Variants in SH3BGRL2 observed in about 807,000 individuals in gnomAD.
The protein encoded by SH3BGRL2 is SH3 domain-binding glutamic acid-rich-like protein 2.
SH3BGRL2 carries 21 observed loss-of-function variants against 14.8 expected under a neutral mutation model. The ratio of observed to expected loss-of-function variants is 1.42; its 90% CI spans 1.01 to 2.05. SH3BGRL2 has a LOEUF of 2.05. Among genes scored for constraint, SH3BGRL2 ranks in the 30% most tolerant of loss-of-function variants. The pLI, the probability that SH3BGRL2 is intolerant of heterozygous loss-of-function variation, is 0.00. For synonymous variants in SH3BGRL2, 50 were observed against 47.8 expected, an observed-to-expected ratio of 1.05 and a Z score of -0.19; for missense variants, 147 against 130.8, an observed-to-expected ratio of 1.12 and a Z score of -0.61.
chr6:79,638,209 GTATT>G (rs965513746), intron 1 of SH3BGRL2, among the ~76,000 whole-genome samples: 1 of 152,192 alleles, frequency 6.6e-6, no homozygotes, highest in African/African-American at 2.4e-5. Context: ...TTGAGAACAT[GTATT>G]TATCTTTCTG....
the SH3BGRL2 span, among the ~76,000 whole-genome samples, chr6:79,578,050 C>T: frequency 1.3e-5 from 2 of 152,328 alleles, no homozygotes; most frequent in Non-Finnish European, 2.9e-5. Context: ...ATCTGCAAGG[C>T]GGCAGCCTGG....
At chr6:79,616,606 G>T in the SH3BGRL2 span, among the ~76,000 whole-genome samples, 1 of 152,076 alleles carries the variant, frequency 6.6e-6, no homozygotes. Flanking sequence ...ACACAGACAG[G>T]CTCCGCATCC....
the SH3BGRL2 span, among the ~76,000 whole-genome samples, chr6:79,566,987 G>C: frequency 7.0e-4 from 106 of 152,172 alleles, no homozygotes; most frequent in Non-Finnish European, 1.1e-3. Context: ...TCCCAAGATA[G>C]GCATGATTTG....
chr6:79,645,767 A>C (rs1454532979), intron 1 of SH3BGRL2, among the ~76,000 whole-genome samples: 1 of 152,202 alleles, frequency 6.6e-6, no homozygotes, highest in South Asian at 2.1e-4. Flanking sequence ...TCATTATTTC[A>C]CATTATTAAC....
the SH3BGRL2 span, among the ~76,000 whole-genome samples, chr6:79,550,894 T>G: frequency 1.6e-4 from 24 of 152,192 alleles, no homozygotes; most frequent in African/African-American, 5.1e-4. Flanking sequence ...TATCTGTCTC[T>G]GTGCCTTTAT....
chr6:79,680,588 GA>G (rs1312556710), intron 2 of SH3BGRL2, among the ~76,000 whole-genome samples: 13 of 152,028 alleles, frequency 8.6e-5, no homozygotes, highest in African/African-American at 2.7e-4. Context: ...ATTTTAGGAT[GA>G]TTTTTTTTTC....
chr6:79,594,976 A>G, the SH3BGRL2 span, among the ~76,000 whole-genome samples: 1 of 152,198 alleles, frequency 6.6e-6, no homozygotes, highest in African/African-American at 2.4e-5. Context: ...AAAATTTTAT[A>G]ACACTGAGGT....
At chr6:79,671,374 G>C (rs144341869) in intron 1 of SH3BGRL2, among the ~76,000 whole-genome samples, 1 of 152,100 alleles carries the variant, frequency 6.6e-6, no homozygotes, top group African/African-American at 2.4e-5. Flanking sequence ...ACTTGAACCC[G>C]GGAGGCGGAG....
At chr6:79,691,472 ATT>A (rs1770213732) in intron 2 of SH3BGRL2, among the ~76,000 whole-genome samples, 1 of 148,112 alleles carries the variant, frequency 6.8e-6, no homozygotes, top group Non-Finnish European at 1.5e-5. Flanking sequence ...GTCATTTAGC[ATT>A]AGGTATATCT....
chr6:79,644,231 A>G (rs530879745), intron 1 of SH3BGRL2, among the ~76,000 whole-genome samples: 1 of 152,150 alleles, frequency 6.6e-6, no homozygotes, highest in Non-Finnish European at 1.5e-5. Flanking sequence ...GAAGGAGTTT[A>G]TCAATATATT....
the SH3BGRL2 span, among the ~76,000 whole-genome samples, chr6:79,564,728 A>G: frequency 6.6e-6 from 1 of 152,170 alleles, no homozygotes; most frequent in Non-Finnish European, 1.5e-5. Flanking sequence ...AACATTCAAG[A>G]TGGTTGATAA....
At chr6:79,609,860 C>A in the SH3BGRL2 span, among the ~76,000 whole-genome samples, 1 of 152,198 alleles carries the variant, frequency 6.6e-6, no homozygotes, top group South Asian at 2.1e-4. Context: ...ACAGCCATTG[C>A]ATTTAACTGA....
At chr6:79,611,788 G>C in the SH3BGRL2 span, among the ~76,000 whole-genome samples, 220 of 152,278 alleles carry the variant, frequency 1.4e-3, 2 homozygotes, top group African/African-American at 4.9e-3. Flanking sequence ...CCAGATTCCA[G>C]TAACAACTCA....
At chr6:79,690,771 A>C (rs921595014) in intron 2 of SH3BGRL2, among the ~76,000 whole-genome samples, 2 of 152,096 alleles carry the variant, frequency 1.3e-5, no homozygotes, top group Non-Finnish European at 2.9e-5. Context: ...CACCCCCTTG[A>C]CTGGGCATGG....
the SH3BGRL2 span, among the ~76,000 whole-genome samples, chr6:79,554,270 C>T: frequency 7.3e-4 from 111 of 152,056 alleles, no homozygotes; most frequent in South Asian, 0.011. Flanking sequence ...TTATCTAATG[C>T]GTTTAAAAAA....
intron 1 of SH3BGRL2, among the ~76,000 whole-genome samples, chr6:79,668,852 CTT>C (rs1769714978): frequency 6.6e-6 from 1 of 152,116 alleles, no homozygotes; most frequent in African/African-American, 2.4e-5. Flanking sequence ...GAAGCAAAGT[CTT>C]TTTTCGCATC....
chr6:79,550,296 G>A, the SH3BGRL2 span, among the ~76,000 whole-genome samples: 1 of 152,138 alleles, frequency 6.6e-6, no homozygotes, highest in Non-Finnish European at 1.5e-5. Flanking sequence ...GTAGAAGCTG[G>A]AACTGAAGGA....
At chr6:79,641,113 C>G (rs1332350425) in intron 1 of SH3BGRL2, among the ~76,000 whole-genome samples, 2 of 150,776 alleles carry the variant, frequency 1.3e-5, no homozygotes, top group African/African-American at 4.9e-5. Flanking sequence ...TCATGACATT[C>G]CCATGTGTAT....
At chr6:79,620,482 T>C in the SH3BGRL2 span, among the ~76,000 whole-genome samples, 1 of 152,114 alleles carries the variant, frequency 6.6e-6, no homozygotes, top group African/African-American at 2.4e-5. Context: ...TTAACCATGC[T>C]CTCAATATAT....
Sources: gnomAD v4.1 joint callset for allele counts (sites outside exome capture counted in the v4.1 genomes callset) on GRCh38, gnomAD v4.1.1 for gene constraint, MANE v1.5 for transcripts, NCBI Gene and HGNC (gene_info 2026-07-23, HGNC 2026-07-21) for gene names.